The following OTOF variants were observed in gnomAD, a reference collection of about 807,000 sequenced individuals.
The protein encoded by OTOF is fer-1-like family member 2.
OTOF carries 218 observed loss-of-function variants against 236.8 expected under a neutral mutation model. That is an observed-to-expected ratio of 0.92 (90% CI 0.82 to 1.03). The LOEUF (loss-of-function observed/expected upper bound fraction) is 1.03, where lower values mean the gene tolerates loss of function less well. Ranked by LOEUF, OTOF falls within the 50% of genes least tolerant of loss-of-function variation. The pLI, the probability that OTOF is intolerant of heterozygous loss-of-function variation, is 0.00. For missense variants in OTOF, 2,590 were observed against 2,694.4 expected (o/e 0.96, Z 0.86); for synonymous variants, 1,041 against 1,072.5 (o/e 0.97, Z 0.57).
At chr2:26,533,665 TC>T (rs1667002401) in intron 2 of OTOF, among the ~76,000 whole-genome samples, 1 of 152,008 alleles carries the variant, frequency 6.6e-6, no homozygotes, top group Admixed American at 6.5e-5. Context: ...CTTGCCTGCT[TC>T]CTTTCTATCC....
intron 1 of OTOF, among the ~76,000 whole-genome samples, chr2:26,555,498 G>A (rs1397707166): frequency 1.3e-5 from 2 of 152,240 alleles, no homozygotes; most frequent in Non-Finnish European, 2.9e-5. Context: ...TAAGAACTAA[G>A]AGCTAGATAC....
rs751799803 is a variant in OTOF at position 26,463,528 on chromosome 2, G to A, written c.5147C>T (p.Pro1716Leu). 6.2e-7 allele frequency: 1 copy of A among 1,609,290 alleles called. No individual in the cohort carries two copies. Among genetic ancestry groups the A allele is most frequent in the South Asian group, 1.1e-5 (1 of 89,654 alleles). Residue 1716 changes from proline to leucine, a missense_variant, in exon 41 of 47, where the codon CCA becomes CTA. Physicochemically the swap from Pro to Leu is moderately conservative, Grantham distance 98. Around this residue, in one of 2 missense-constraint regions of OTOF, gnomAD observed 1,211 missense variants for 1,352.8 expected, o/e 0.90. Transcript: ENST00000272371. Reference protein sequence around the residue: ...LWVDMFPMDMPAPGTPLDISP... With the variant: ...LWVDMFPMDMLAPGTPLDISP... ...GATGTCCAGAGGCGTCCCAGGGGCT[G>A]GCATGTCCATGGGGAACATGTCCAC...
intron 5 of OTOF, among the ~76,000 whole-genome samples, chr2:26,508,023 G>A (rs146023075): frequency 2.0e-5 from 3 of 152,304 alleles, no homozygotes; most frequent in African/African-American, 4.8e-5. Context: ...TTAGTGACCC[G>A]AGTGTTTCAT....
chr2:26,475,615 G>A, intron 24 of OTOF, 122 bp from the exon 25 acceptor site: 1 of 1,123,546 alleles, frequency 8.9e-7, no homozygotes, highest in Non-Finnish European at 1.3e-6. Flanking sequence ...CAGGTGTCTT[G>A]ATTCTTCCAG....
In OTOF at chr2:26,558,482, G is replaced by C. The variant is rs755017310; in HGVS notation, c.79+11C>G. The C allele has an allele frequency of 1.9e-6, 3 of 1,612,628 alleles. No individual in the cohort carries two copies. The highest frequency in any genetic ancestry group is 2.5e-6 in the Non-Finnish European group (3 of 1,178,796). ...AGAGCTGGCGTCCCTCTGAGACAGC[G>C]GCTTCCCTACCTCGGAAAGTCACTT... On this transcript the variant is annotated intron_variant, in intron 1 of 46. Coordinates refer to ENST00000272371, the MANE Select transcript of OTOF (RefSeq NM_194248.3).
intron 11 of OTOF, among the ~76,000 whole-genome samples, chr2:26,487,900 G>C (rs867397701): frequency 6.6e-6 from 1 of 152,368 alleles, no homozygotes; most frequent in East Asian, 1.9e-4. Context: ...TGGCATGTGT[G>C]GGGTGGTGGC....
chr2:26,460,211 G>A lies in OTOF; in HGVS notation c.5814-6C>T, dbSNP rs780944069. ...TGAAGCTCGTGTCGGGCCGGCTGGA[G>A]TATGAAGGGTAGAGAGCGCAGAGGA... On this transcript the variant is annotated splice_region_variant and splice_polypyrimidine_tract_variant and intron_variant, in intron 45 of 46. Transcript: ENST00000272371. The surrounding 1 kb of genome is among the most constrained non-coding windows in gnomAD (Gnocchi z 5.3). 3.1e-6 allele frequency: 5 copies of A among 1,597,282 alleles called. No homozygotes were observed. The highest frequency in any genetic ancestry group is 1.3e-5 in the African/African-American group (1 of 74,638).
rs543640046 is a variant in OTOF at position 26,484,651 on chromosome 2, G to A, written c.1046-18C>T. ...CTGGTGCTCTGCAATGATGAGGGGT[G>A]GGCACTGCACCAGACACCCCCACCC... is the stretch of plus-strand genomic sequence containing the variant. On this transcript the variant is annotated intron_variant, in intron 11 of 46. Coordinates refer to ENST00000272371, the MANE Select transcript of OTOF (RefSeq NM_194248.3). 1.2e-6 allele frequency: 2 copies of A among 1,613,028 alleles called. No individual in the cohort carries two copies. The highest frequency in any genetic ancestry group is 1.1e-5 in the South Asian group (1 of 91,026).
Position 26,460,199 on chromosome 2 carries a change from G to T in OTOF, c.5820C>A (p.Pro1940=). 6.2e-7 allele frequency: 1 copy of T among 1,601,302 alleles called. No homozygotes were observed. The highest frequency in any genetic ancestry group is 1.1e-5 in the South Asian group (1 of 88,924). ...TCAGGAACCAGATGAAGCTCGTGTC[G>T]GGCCGGCTGGAGTATGAAGGGTAGA... The part of the protein sequence containing the change: ...EPDPLEKPNR[P]DTSFIWFLNP... Residue 1940 remains proline (P), a synonymous_variant, in exon 46 of 47, where the codon CCC becomes CCA. Coordinates refer to ENST00000272371, the MANE Select transcript of OTOF (RefSeq NM_194248.3). This position sits in a 1 kb window ranked among gnomAD's most constrained non-coding sequence, Gnocchi z 5.3.
chr2:26,529,701 ACGGCCTTTGTGACAT>A (rs1666894848), intron 2 of OTOF, among the ~76,000 whole-genome samples: 2 of 151,422 alleles, frequency 1.3e-5, no homozygotes, highest in Non-Finnish European at 2.9e-5. Flanking sequence ...TCTCAGGAAA[ACGGCCTTTGTGACAT>A]CTCCCTTCAG....
chr2:26,461,207 G>T lies in OTOF; in HGVS notation c.5534-177C>A, dbSNP rs1007609685. Among the ~76,000 whole-genome samples the T allele has an allele frequency of 6.6e-6, 1 of 152,076 alleles. No homozygotes were observed. The highest frequency in any genetic ancestry group is 1.9e-4 in the East Asian group (1 of 5,168). ...TCAATGCAGGCATCCTCGTGGGCTT[G>T]CTAGGCAGCCCCAGCCCCCATGCTT... is the stretch of plus-strand genomic sequence containing the variant. On this transcript the variant is annotated intron_variant, in intron 43 of 46. Coordinates refer to ENST00000272371, the MANE Select transcript of OTOF (RefSeq NM_194248.3). The surrounding 1 kb of genome is among the most constrained non-coding windows in gnomAD (Gnocchi z 6.2).
rs200654171 is a variant in OTOF at position 26,479,298 on chromosome 2, T to C, written c.2180A>G (p.Asn727Ser). ...GGCAATGTGGTCCATGATGTTGGCA[T>C]TGTAGAGGCGGCGGCGCTGGTCCGG... The part of the protein sequence containing the change: ...WWPDQRRRLY[N>S]ANIMDHIADK... Residue 727 changes from asparagine (N) to serine (S), a missense_variant, in exon 18 of 47, where the codon AAT (asparagine) becomes AGT (serine). Coordinates refer to ENST00000272371, the MANE Select transcript of OTOF (RefSeq NM_194248.3). The C allele has an allele frequency of 1.1e-4, 171 of 1,612,910 alleles. No individual in the cohort carries two copies. In the East Asian group the frequency reaches 3.5e-3, roughly 33 times the overall value.
At chr2:26,521,158 C>T (rs771880655) in intron 3 of OTOF, among the ~76,000 whole-genome samples, 38 of 152,296 alleles carry the variant, frequency 2.5e-4, no homozygotes, top group South Asian at 1.0e-3. Context: ...TGACAAGTTT[C>T]CAGGTGATGC....
In OTOF at chr2:26,541,067, A is replaced by G. The variant is rs116298631; in HGVS notation, c.80-3293T>C. Among the ~76,000 whole-genome samples the G allele has an allele frequency of 2.5e-3, 380 of 152,320 alleles. 3 individuals carry two copies. Among genetic ancestry groups the G allele is most frequent in the African/African-American group, 8.9e-3 (372 of 41,584 alleles). Reference sequence around the variant, plus strand: ...TAAAGACCTGCTGCTCTGAATAACCAAAGGCCTTTGCATCCTAGAAGATTT... The same window carrying G: ...TAAAGACCTGCTGCTCTGAATAACCGAAGGCCTTTGCATCCTAGAAGATTT... On this transcript the variant is annotated intron_variant, in intron 1 of 46. Coordinates refer to ENST00000272371, the MANE Select transcript of OTOF (RefSeq NM_194248.3).
At chr2:26,482,250 C>T (rs1665558495) in intron 14 of OTOF, among the ~76,000 whole-genome samples, 156 bp downstream of exon 14, 1 of 152,148 alleles carries the variant, frequency 6.6e-6, no homozygotes, top group Admixed American at 6.5e-5. Context: ...CCTCACCCTC[C>T]CCCTGAGGCA....
rs533063201 is a variant in OTOF at position 26,467,115 on chromosome 2, A to G, written c.4346T>C (p.Ile1449Thr). 2 of 1,613,712 alleles carry G rather than the reference A, an allele frequency of 1.2e-6. No individual in the cohort carries two copies. The highest frequency in any genetic ancestry group is 1.7e-6 in the Non-Finnish European group (2 of 1,179,994). ...DEDGSTEEER[I>T]VGRFKGSLCV... ...TGGCCTGACCTTGAAGCGTCCCACA[A>G]TGCGCTCCTCCTCGGTGGAGCCATC... is the stretch of plus-strand genomic sequence containing the variant. Residue 1449 changes from isoleucine (I) to threonine (T), a missense_variant, in exon 35 of 47, where the codon ATT becomes ACT. This residue lies in a region of OTOF where 1,211 missense variants were observed against 1,352.8 expected (regional missense o/e 0.90). Transcript: ENST00000272371.
At chr2:26,472,241 C>G (rs1195365046) in intron 30 of OTOF, 1 of 489,698 alleles carries the variant, frequency 2.0e-6, no homozygotes, top group Non-Finnish European at 3.8e-6. Context: ...CGCACAAATG[C>G]ACATACATCA....
At chr2:26,548,722 G>A (rs981282592) in intron 1 of OTOF, among the ~76,000 whole-genome samples, 3 of 152,136 alleles carry the variant, frequency 2.0e-5, no homozygotes, top group African/African-American at 7.2e-5. Context: ...ATACAGTTAC[G>A]TTCTGTACAC....
In OTOF at chr2:26,473,107, G is replaced by A; in HGVS notation, c.3733+25C>T. 1 of 1,605,132 alleles carries A rather than the reference G, an allele frequency of 6.2e-7. No individual in the cohort carries two copies. ...CCCTGGGGGGCGTGGAGCCAGGCTT[G>A]GTGGCAGGGTGGATGTGGCCATACC... On this transcript the variant is annotated intron_variant, in intron 29 of 46. Transcript: ENST00000272371. The surrounding 1 kb of genome is among the most constrained non-coding windows in gnomAD (Gnocchi z 7.2).
Sources: allele counts gnomAD v4.1 joint callset (sites outside exome capture counted in the v4.1 genomes callset), GRCh38; gene constraint gnomAD v4.1.1; regional missense constraint gnomAD v4.1.1; non-coding constraint Gnocchi (gnomAD v3.1); transcripts MANE v1.5; gene names NCBI Gene and HGNC (gene_info 2026-07-23, HGNC 2026-07-21).